The following ST18 variants were observed in gnomAD, a reference collection of about 807,000 sequenced individuals.
The protein encoded by ST18 is ST18 C2H2C-type zinc finger transcription factor.
In ST18, 50 loss-of-function variants were observed where a neutral mutation model predicts 110.0. That is an observed-to-expected ratio of 0.45 (90% CI 0.36 to 0.58). The LOEUF (loss-of-function observed/expected upper bound fraction) is 0.58. ST18 is among the 20% of genes least tolerant of loss of function. ST18 has a pLI of 0.00. For synonymous variants in ST18, 461 were observed against 452.4 expected (o/e 1.02, Z -0.24); for missense variants, 1,306 against 1,280.1 (o/e 1.02, Z -0.31).
intron 6 of ST18, among the ~76,000 whole-genome samples, chr8:52,217,262 A>G (rs1300569198): frequency 6.6e-6 from 1 of 152,116 alleles, no homozygotes; most frequent in African/African-American, 2.4e-5. Context: ...CTGACAGAAG[A>G]TATATTCTGA....
chr8:52,167,014 A>G lies in ST18; in HGVS notation c.1070-28T>C, dbSNP rs376835424. 1.9e-6 allele frequency: 3 copies of G among 1,584,616 alleles called. No individual in the cohort carries two copies. The African/African-American group carries it at 4.0e-5, about 21-fold the overall frequency. Reference sequence around the variant, plus strand: ...ATGGAGAAATTCAATTGAGAAATGCATTTGGTTATTCTTGCTTTTCTTCCC... The same window carrying G: ...ATGGAGAAATTCAATTGAGAAATGCGTTTGGTTATTCTTGCTTTTCTTCCC... On this transcript the variant is annotated intron_variant, in intron 10 of 25. Coordinates refer to ENST00000689386, the MANE Select transcript of ST18 (RefSeq NM_001352837.2).
At chr8:52,395,344 G>T (rs1450263338) in intron 2 of ST18, among the ~76,000 whole-genome samples, 2 of 152,218 alleles carry the variant, frequency 1.3e-5, no homozygotes, top group Middle Eastern at 3.2e-3. Context: ...AGAAAGCAAA[G>T]AAACAAAACT....
At chr8:52,357,235 T>G (rs1045822475) in intron 2 of ST18, among the ~76,000 whole-genome samples, 1 of 152,110 alleles carries the variant, frequency 6.6e-6, no homozygotes, top group African/African-American at 2.4e-5. Context: ...AATTACACTC[T>G]TGTACACAAA....
At chr8:52,189,504 G>T (rs1023502888) in intron 8 of ST18, among the ~76,000 whole-genome samples, 1 of 152,148 alleles carries the variant, frequency 6.6e-6, no homozygotes, top group Non-Finnish European at 1.5e-5. Context: ...AATGAAAATC[G>T]ATGATTCTTG....
intron 9 of ST18, among the ~76,000 whole-genome samples, chr8:52,175,633 A>T (rs749221717): frequency 7.2e-5 from 11 of 152,096 alleles, no homozygotes; most frequent in Non-Finnish European, 1.2e-4. Context: ...CCCTCCTAGG[A>T]CAACAAACTG....
intron 8 of ST18, among the ~76,000 whole-genome samples, chr8:52,187,126 G>A (rs9298472): frequency 0.21 from 31,658 of 152,106 alleles, 6,798 homozygotes; most frequent in African/African-American, 0.55. Context: ...TTTGATTACC[G>A]AAAGTATTTA....
At position 52,116,287 on chromosome 8, in the gene ST18, C is replaced by G. The variant is rs776562044; in HGVS notation, c.2991G>C (p.Gln997His). ...GCCTTGAACTTACCATCTGTGGAAGCTGGATGTCAGCAAGGCTTGAAATGA... is the reference window on the plus strand; with the variant it reads ...GCCTTGAACTTACCATCTGTGGAAGGTGGATGTCAGCAAGGCTTGAAATGA... Reference protein sequence around the residue: ...QALISSLADIQLPQMGPISEQ... With the variant: ...QALISSLADIHLPQMGPISEQ... Residue 997 changes from glutamine (Q) to histidine (H), a missense_variant, in exon 25 of 26, where the codon CAG (glutamine) becomes CAC (histidine). Physicochemically the swap from Gln to His is conservative, Grantham distance 24. Coordinates refer to ENST00000689386, the MANE Select transcript of ST18 (RefSeq NM_001352837.2). 1 of 1,613,432 alleles carries G rather than the reference C, an allele frequency of 6.2e-7. No homozygotes were observed. Among genetic ancestry groups the G allele is most frequent in the Non-Finnish European group, 8.5e-7 (1 of 1,179,778 alleles).
At chr8:52,199,807 C>T (rs2077357297) in intron 8 of ST18, among the ~76,000 whole-genome samples, 1 of 152,196 alleles carries the variant, frequency 6.6e-6, no homozygotes, top group Non-Finnish European at 1.5e-5. Flanking sequence ...AACCAGGCTT[C>T]TGGAAGAGTT....
intron 6 of ST18, 75 bp downstream of exon 6, chr8:52,217,671 T>C (rs1414298405): frequency 6.6e-6 from 1 of 152,052 alleles, no homozygotes; most frequent in Non-Finnish European, 1.5e-5. Context: ...GGAAGAAAAA[T>C]GACCAGAAAA....
intron 2 of ST18, among the ~76,000 whole-genome samples, chr8:52,380,897 A>T (rs188187801): frequency 8.5e-5 from 13 of 152,266 alleles, no homozygotes; most frequent in Admixed American, 8.5e-4. Flanking sequence ...TCAGGAGGGA[A>T]AGTGCAGGCT....
rs56988793 is a variant in ST18 at position 52,140,547 on chromosome 8, TGATAGATAGATAGATA to T, written c.2168+2367_2168+2382del. On this transcript the variant is annotated intron_variant, in intron 17 of 25. Transcript: ENST00000689386. ...TCAAAATAAATAGATAGATGATAGATGATAGATAGATAGATAGATAGATAGATAGATAGATAGATAG... is the reference window on the plus strand; with the variant it reads ...TCAAAATAAATAGATAGATGATAGATGATAGATAGATAGATAGATAGATAG... 2.9e-3 allele frequency among the ~76,000 whole-genome samples: 433 copies of T among 147,470 alleles called. 7 individuals carry two copies. The highest frequency in any genetic ancestry group is 0.02 in the South Asian group (90 of 4,418).
At chr8:52,344,624 C>T (rs2140245066) in intron 2 of ST18, among the ~76,000 whole-genome samples, 1 of 152,268 alleles carries the variant, frequency 6.6e-6, no homozygotes, top group South Asian at 2.1e-4. Flanking sequence ...TGGTCACGAA[C>T]CCCTGACCTC....
intron 8 of ST18, among the ~76,000 whole-genome samples, chr8:52,202,282 C>A (rs1477001523): frequency 7.2e-5 from 11 of 152,126 alleles, no homozygotes; most frequent in Middle Eastern, 3.4e-3. Flanking sequence ...TCAAAACAAA[C>A]AGGGGTAGAT....
intron 25 of ST18, among the ~76,000 whole-genome samples, chr8:52,113,954 G>GTTGTTTTTT (rs2041426315): frequency 2.2e-5 from 1 of 45,422 alleles, no homozygotes; most frequent in Non-Finnish European, 3.8e-5. Context: ...TTCATACCGT[G>GTTGTTTTTT]TTTTTTTTTT....
At chr8:52,199,660 T>C (rs1237213488) in intron 8 of ST18, 4 of 152,204 alleles carry the variant, frequency 2.6e-5, no homozygotes, top group African/African-American at 9.6e-5. Context: ...GGGGATATCT[T>C]GTTAAACATA....
Position 52,126,038 on chromosome 8 carries a change from C to A in ST18, c.2755+14G>T, listed in dbSNP as rs1168470065. ...CCCTGCAGGAGGTGGTGACAGCCAGCCCTGTGCTCTTACCCCCAGTTGCTT... is the reference window on the plus strand; with the variant it reads ...CCCTGCAGGAGGTGGTGACAGCCAGACCTGTGCTCTTACCCCCAGTTGCTT... On this transcript the variant is annotated intron_variant, in intron 23 of 25. Transcript: ENST00000689386. 3.1e-6 allele frequency: 5 copies of A among 1,613,234 alleles called. No individual in the cohort carries two copies. The Admixed American group carries it at 8.3e-5, about 27-fold the overall frequency.
At chr8:52,273,427 G>GC (rs1468569517) in intron 2 of ST18, among the ~76,000 whole-genome samples, 12 of 152,104 alleles carry the variant, frequency 7.9e-5, no homozygotes, top group Admixed American at 7.2e-4. Context: ...AAACCTGAGA[G>GC]CCCCCAGACC....
At chr8:52,210,569 G>A (rs2081848848) in intron 8 of ST18, among the ~76,000 whole-genome samples, 1 of 151,758 alleles carries the variant, frequency 6.6e-6, no homozygotes, top group Non-Finnish European at 1.5e-5. Context: ...GAGGCAGGAG[G>A]ATTTCCTGAG....
intron 2 of ST18, among the ~76,000 whole-genome samples, chr8:52,281,825 T>C (rs1194411913): frequency 6.6e-6 from 1 of 152,150 alleles, no homozygotes. Flanking sequence ...TTTTCCCTCA[T>C]AAGTGGGAGC....
Sources: allele counts gnomAD v4.1 joint callset (sites outside exome capture counted in the v4.1 genomes callset), GRCh38; gene constraint gnomAD v4.1.1; transcripts MANE v1.5; gene names NCBI Gene and HGNC (gene_info 2026-07-23, HGNC 2026-07-21).